The following MAML3 variants were observed in gnomAD, a reference collection of about 807,000 sequenced individuals.
MAML3 encodes mastermind-like protein 3.
In MAML3, 27 loss-of-function variants were observed where a neutral mutation model predicts 101.9. The observed-to-expected ratio is 0.27, with a 90% CI of 0.20 to 0.37. MAML3 has a LOEUF of 0.37. Among genes scored for constraint, MAML3 ranks in the 10% least tolerant of loss-of-function variants. The pLI is 1.00. For missense variants in MAML3, 1,316 were observed against 1,444.9 expected (o/e 0.91, Z 1.45); for synonymous variants, 501 against 555.9 (o/e 0.90, Z 1.39).
chr4:140,043,042 A>G (rs931884614), intron 1 of MAML3, among the ~76,000 whole-genome samples: 6 of 152,190 alleles, frequency 3.9e-5, no homozygotes, highest in African/African-American at 1.4e-4. Flanking sequence ...AACAAAAAAC[A>G]AAAAACAGGT....
At chr4:139,922,485 T>C (rs142375368) in intron 1 of MAML3, among the ~76,000 whole-genome samples, 122 of 152,194 alleles carry the variant, frequency 8.0e-4, no homozygotes, top group African/African-American at 2.8e-3. Flanking sequence ...CAGTCGATAA[T>C]GCAATGGATT....
chr4:140,072,425 C>T (rs1727675488), intron 1 of MAML3, among the ~76,000 whole-genome samples: 1 of 151,888 alleles, frequency 6.6e-6, no homozygotes, highest in African/African-American at 2.4e-5. Context: ...AATCCCAGCA[C>T]TTTGGGAGGC....
intron 2 of MAML3, among the ~76,000 whole-genome samples, chr4:139,805,624 T>A (rs1730686345): frequency 6.6e-6 from 1 of 152,210 alleles, no homozygotes; most frequent in Non-Finnish European, 1.5e-5. Flanking sequence ...TAGTTCTTAT[T>A]CCTGAATGAA....
intron 1 of MAML3, among the ~76,000 whole-genome samples, chr4:139,989,271 G>A (rs1476542076): frequency 6.6e-6 from 1 of 152,092 alleles, no homozygotes; most frequent in Non-Finnish European, 1.5e-5. Flanking sequence ...CTAATAATAG[G>A]TGCCACCTTA....
intron 1 of MAML3, among the ~76,000 whole-genome samples, chr4:140,089,251 C>A (rs1342991240): frequency 6.6e-6 from 1 of 152,088 alleles, no homozygotes; most frequent in East Asian, 1.9e-4. Flanking sequence ...TATAATCCTT[C>A]CAAAATTGTT....
At chr4:139,725,991 G>T (rs1193353147) in intron 3 of MAML3, among the ~76,000 whole-genome samples, 156 bp from the exon 4 acceptor site, 1 of 152,192 alleles carries the variant, frequency 6.6e-6, no homozygotes, top group East Asian at 1.9e-4. Flanking sequence ...AAAGTCTAAG[G>T]ATAGAGTCAG....
chr4:140,088,048 G>A (rs1436908772), intron 1 of MAML3, among the ~76,000 whole-genome samples: 1 of 152,088 alleles, frequency 6.6e-6, no homozygotes, highest in African/African-American at 2.4e-5. Context: ...GGGCGACATC[G>A]CAAGACCTCA....
rs546963518 is a variant in MAML3 at position 139,765,294 on chromosome 4, T to A, written c.2080-34627A>T. 2.0e-5 allele frequency among the ~76,000 whole-genome samples: 3 copies of A among 152,364 alleles called. No homozygotes were observed. The East Asian group carries it at 5.8e-4, about 29-fold the overall frequency. ...TAAAACTGGAAGGGAATATTAAAAA[T>A]GAAATTACTTGCTGTTTTAGGATGG... is the stretch of plus-strand genomic sequence containing the variant. On this transcript the variant is annotated intron_variant, in intron 2 of 4. Transcript: ENST00000509479.
At chr4:140,025,786 G>A (rs902260348) in intron 1 of MAML3, among the ~76,000 whole-genome samples, 12 of 152,098 alleles carry the variant, frequency 7.9e-5, no homozygotes, top group African/African-American at 2.7e-4. Context: ...GCTCTCAACC[G>A]CGATTGAAAA....
intron 2 of MAML3, among the ~76,000 whole-genome samples, chr4:139,858,815 T>C (rs1012339890): frequency 3.9e-5 from 6 of 152,206 alleles, no homozygotes; most frequent in African/African-American, 9.7e-5. Flanking sequence ...CAGGATACAA[T>C]GCCTTCAACA....
chr4:139,828,587 C>G (rs1356567103), intron 2 of MAML3, among the ~76,000 whole-genome samples: 1 of 151,886 alleles, frequency 6.6e-6, no homozygotes, highest in Non-Finnish European at 1.5e-5. Flanking sequence ...AGACGCCAAG[C>G]AAATGAACAA....
rs1727783922 is a variant in MAML3, at chr4:140,077,294, T to C, written c.468+75566A>G. ...AATCTTATCAACATAACTTACAAAA[T>C]CAATGTTTCTGATTCATACAAAACT... On this transcript the variant is annotated intron_variant, in intron 1 of 4. Coordinates refer to ENST00000509479, the MANE Select transcript of MAML3 (RefSeq NM_018717.5). 3.3e-5 allele frequency among the ~76,000 whole-genome samples: 5 copies of C among 152,278 alleles called. No individual in the cohort carries two copies. The South Asian group carries it at 1.0e-3, about 32-fold the overall frequency.
At chr4:139,779,121 C>T (rs1328225734) in intron 2 of MAML3, among the ~76,000 whole-genome samples, 7 of 152,136 alleles carry the variant, frequency 4.6e-5, no homozygotes, top group Non-Finnish European at 1.0e-4. Flanking sequence ...TTCTGTAGGC[C>T]GTGCACACAT....
At chr4:139,904,970 A>G (rs1378502278) in intron 1 of MAML3, among the ~76,000 whole-genome samples, 1 of 152,232 alleles carries the variant, frequency 6.6e-6, no homozygotes, top group African/African-American at 2.4e-5. Flanking sequence ...ACCATCATAT[A>G]TGTGGCCTGT....
intron 1 of MAML3, among the ~76,000 whole-genome samples, chr4:140,104,408 A>ATG (rs368174569): frequency 1.8e-5 from 1 of 54,986 alleles, no homozygotes; most frequent in African/African-American, 9.0e-5. Flanking sequence ...TATAATATAT[A>ATG]ATATAATATA....
intron 2 of MAML3, among the ~76,000 whole-genome samples, chr4:139,866,923 A>G (rs1196438860): frequency 6.6e-6 from 1 of 152,224 alleles, no homozygotes; most frequent in Non-Finnish European, 1.5e-5. Flanking sequence ...CCAATTAGAA[A>G]GAAACGCAGA....
At chr4:139,922,713 G>A (rs1400890216) in intron 1 of MAML3, among the ~76,000 whole-genome samples, 1 of 152,138 alleles carries the variant, frequency 6.6e-6, no homozygotes, top group Non-Finnish European at 1.5e-5. Flanking sequence ...AAGGAAGAGT[G>A]AGAAAGCAGC....
intron 1 of MAML3, among the ~76,000 whole-genome samples, chr4:139,949,405 GC>G: frequency 6.6e-6 from 1 of 152,270 alleles, no homozygotes; most frequent in Admixed American, 6.5e-5. Context: ...CTCTGTGATA[GC>G]CCATGTACTA....
chr4:140,069,881 C>G (rs944388403), intron 1 of MAML3, among the ~76,000 whole-genome samples: 5 of 151,458 alleles, frequency 3.3e-5, no homozygotes, highest in Admixed American at 2.0e-4. Flanking sequence ...TTTGGGAGGC[C>G]GAGGCTGGCG....
Sources: allele counts gnomAD v4.1 joint callset (sites outside exome capture counted in the v4.1 genomes callset), GRCh38; gene constraint gnomAD v4.1.1; transcripts MANE v1.5; gene names NCBI Gene and HGNC (gene_info 2026-07-23, HGNC 2026-07-21).